The following CEP83 variants were observed in gnomAD, a reference collection of about 807,000 sequenced individuals.
The protein encoded by CEP83 is centrosomal protein of 83 kDa.
In CEP83, 70 loss-of-function variants were observed where a neutral mutation model predicts 101.9. That is an observed-to-expected ratio of 0.69 (90% CI 0.57 to 0.84). CEP83 has a LOEUF of 0.84. Among genes scored for constraint, CEP83 ranks in the 40% least tolerant of loss-of-function variants. CEP83 has a pLI of 0.00. For synonymous variants in CEP83, 264 were observed against 267.9 expected (o/e 0.99, Z 0.14); for missense variants, 715 against 787.2 (o/e 0.91, Z 1.10).
intron 2 of CEP83, among the ~76,000 whole-genome samples, chr12:94,428,433 T>C (rs1349570071): frequency 6.6e-6 from 1 of 152,212 alleles, no homozygotes; most frequent in Non-Finnish European, 1.5e-5. Context: ...ATAAAGATTA[T>C]CTACTGATGC....
At chr12:94,420,738 G>T (rs1593909606) in intron 2 of CEP83, among the ~76,000 whole-genome samples, 1 of 151,986 alleles carries the variant, frequency 6.6e-6, no homozygotes, top group East Asian at 1.9e-4. Flanking sequence ...GAATATTACA[G>T]ACATATTGTC....
chr12:94,442,103 A>G (rs1012040634), intron 1 of CEP83, among the ~76,000 whole-genome samples: 2 of 150,940 alleles, frequency 1.3e-5, no homozygotes, highest in Non-Finnish European at 3.0e-5. Flanking sequence ...ACCAATGAGT[A>G]GATAAAGAAA....
intron 8 of CEP83, 128 bp downstream of exon 8, chr12:94,375,758 A>G (rs1489137097): frequency 2.0e-6 from 1 of 493,176 alleles, no homozygotes; most frequent in Non-Finnish European, 3.3e-6. Flanking sequence ...CAATGTATTT[A>G]TTTCTTAGAA....
intron 11 of CEP83, chr12:94,361,138 C>A (rs1239868448): frequency 6.6e-6 from 1 of 152,084 alleles, no homozygotes; most frequent in Non-Finnish European, 1.5e-5. Flanking sequence ...GAAACTACTA[C>A]AGGAAAACAC....
At chr12:94,349,209 C>T (rs1220851640) in intron 11 of CEP83, among the ~76,000 whole-genome samples, 1 of 149,312 alleles carries the variant, frequency 6.7e-6, no homozygotes, top group African/African-American at 2.5e-5. Flanking sequence ...TCGCTGAACC[C>T]AGGAGGTGGA....
At chr12:94,459,318 G>A (rs1463234832) in intron 1 of CEP83, among the ~76,000 whole-genome samples, 3 of 152,134 alleles carry the variant, frequency 2.0e-5, no homozygotes, top group African/African-American at 7.2e-5. Flanking sequence ...CGTAAATTAA[G>A]CTGGAGGTAC....
the CEP83 span, among the ~76,000 whole-genome samples, chr12:94,291,812 G>A: frequency 6.6e-6 from 1 of 152,064 alleles, no homozygotes; most frequent in Non-Finnish European, 1.5e-5. Context: ...TTGCTACAAG[G>A]GTATACTGCA....
At chr12:94,326,231 G>A (rs1295198582) in intron 14 of CEP83, among the ~76,000 whole-genome samples, 4 of 151,990 alleles carry the variant, frequency 2.6e-5, no homozygotes, top group Admixed American at 6.6e-5. Flanking sequence ...CACAATCCCC[G>A]ACCCCCAACA....
rs372842902 is a variant in CEP83 at position 94,411,647 on chromosome 12, C to T, written c.324+50G>A. 2.3e-3 allele frequency: 3,191 copies of T among 1,410,062 alleles called. 96 individuals are homozygous for T. In the South Asian group the frequency reaches 0.038, roughly 17 times the overall value. 87.3% of individuals were successfully genotyped at this position (1,410,062 alleles called of 1,614,324 possible). The stretch of plus-strand genomic sequence containing the variant: ...TCACCAAAACTACTTACTTCCACTA[C>T]GTATCTGACTGCTTTTATACTAACT... On this transcript the variant is annotated intron_variant, in intron 4 of 16. Transcript: ENST00000397809.
chr12:94,294,378 T>A, the CEP83 span: 2 of 596,714 alleles, frequency 3.4e-6, no homozygotes, highest in Non-Finnish European at 3.1e-6. Flanking sequence ...AAATATTTGA[T>A]TTAATAAGTG....
At chr12:94,421,754 A>G (rs2064770177) in intron 2 of CEP83, among the ~76,000 whole-genome samples, 1 of 152,240 alleles carries the variant, frequency 6.6e-6, no homozygotes, top group African/African-American at 2.4e-5. Context: ...CACCTAAGAT[A>G]TATGGTATAT....
chr12:94,455,487 C>T (rs939110230), intron 1 of CEP83, among the ~76,000 whole-genome samples: 2 of 152,224 alleles, frequency 1.3e-5, no homozygotes, highest in African/African-American at 2.4e-5. Context: ...TGAGACTCAA[C>T]TTCACTTTCT....
At chr12:94,305,403 A>ACTGT (rs1462305004), downstream of CEP83, 3 of 641,090 alleles carry the variant, frequency 4.7e-6, no homozygotes, top group Admixed American at 2.8e-5. Flanking sequence ...CACTTTGGGC[A>ACTGT]CTGTCTTTTT....
downstream of CEP83, chr12:94,303,796 C>T (rs757529377): frequency 6.2e-6 from 10 of 1,605,378 alleles, no homozygotes; most frequent in Non-Finnish European, 7.6e-6. Flanking sequence ...AAGGATATCC[C>T]AACCTACAAA....
In CEP83 at chr12:94,398,507, T is replaced by C. The variant is rs2063041732; in HGVS notation, c.549+2343A>G. ...GTCTTACTTCAATCTCTTAATCCTG[T>C]TATCTTCATAAGCTGAGGATGTACA... On this transcript the variant is annotated intron_variant, in intron 6 of 16. Transcript: ENST00000397809. Among the ~76,000 whole-genome samples the C allele has an allele frequency of 2.0e-5, 3 of 152,230 alleles. No homozygotes were observed. In the South Asian group the frequency reaches 6.2e-4, roughly 32 times the overall value.
At chr12:94,274,904 TACAC>T in the CEP83 span, among the ~76,000 whole-genome samples, 4 of 152,216 alleles carry the variant, frequency 2.6e-5, no homozygotes, top group Non-Finnish European at 5.9e-5. Context: ...CATATACAAA[TACAC>T]ACACGTCATT....
rs2061111666 is a variant in CEP83, at chr12:94,368,083, T to C, written c.1167A>G (p.Gln389=). The change falls in exon 10 of 17, where the codon CAA becomes CAG. Residue 389 remains glutamine, a synonymous_variant. Coordinates refer to ENST00000397809, the MANE Select transcript of CEP83 (RefSeq NM_016122.3). The stretch of plus-strand genomic sequence containing the variant: ...TTTCATCTTGTAATACCACAAGTTT[T>C]TGATAACCTTCTTCTTTGGCAGCTT... ...KVQAAKEEGY[Q]KLVVLQDEKL... is the part of the protein sequence containing the mutation. 6.2e-7 allele frequency: 1 copy of C among 1,613,238 alleles called. No homozygotes were observed. Among genetic ancestry groups the C allele is most frequent in the Admixed American group, 1.7e-5 (1 of 59,962 alleles).
At chr12:94,324,774 G>A (rs2058898209) in intron 14 of CEP83, among the ~76,000 whole-genome samples, 1 of 152,120 alleles carries the variant, frequency 6.6e-6, no homozygotes, top group Non-Finnish European at 1.5e-5. Context: ...TCTGTAACCT[G>A]GACAACTAAA....
At position 94,308,544 on chromosome 12, in the gene CEP83, TGACTC is replaced by T. The variant is rs1593049820; in HGVS notation, c.*264_*268del. 6.7e-5 allele frequency: 16 copies of T among 237,924 alleles called. No individual in the cohort carries two copies. The South Asian group carries it at 1.6e-3, about 23-fold the overall frequency. 14.7% of individuals were successfully genotyped at this position (237,924 alleles called of 1,614,324 possible). On this transcript the variant is annotated 3_prime_UTR_variant, in exon 17 of 17. Transcript: ENST00000397809. The stretch of plus-strand genomic sequence containing the variant: ...TCAACAAAGTAAAAATTTTAAAACT[TGACTC>T]TAACTAGTTCCTTTTTGTTTTACAT...
Sources: gnomAD v4.1 joint callset for allele counts (sites outside exome capture counted in the v4.1 genomes callset) on GRCh38, gnomAD v4.1.1 for gene constraint, MANE v1.5 for transcripts, NCBI Gene and HGNC (gene_info 2026-07-23, HGNC 2026-07-21) for gene names.